The following INPPL1 variants were observed in gnomAD, a reference collection of about 807,000 sequenced individuals.
INPPL1 encodes the protein inositol polyphosphate phosphatase like 1, also known as phosphatidylinositol 3,4,5-trisphosphate 5-phosphatase 2.
In INPPL1, 91 loss-of-function variants were observed where a neutral mutation model predicts 139.3. The observed-to-expected ratio is 0.65, with a 90% CI of 0.55 to 0.78. The LOEUF (loss-of-function observed/expected upper bound fraction) is 0.78, where lower values mean the gene tolerates loss of function less well. INPPL1 is among the 30% of genes least tolerant of loss of function. The pLI is 0.00. For missense variants in INPPL1, 1,411 were observed against 1,665.6 expected, an observed-to-expected ratio of 0.85 and a Z score of 2.66; for synonymous variants, 719 against 686.6, an observed-to-expected ratio of 1.05 and a Z score of -0.74.
Position 72,235,317 on chromosome 11 carries a change from A to G in INPPL1, c.2525A>G (p.Lys842Arg), listed in dbSNP as rs749358400. The G allele has an allele frequency of 1.2e-6, 2 of 1,614,050 alleles. No homozygotes were observed. The highest frequency in any genetic ancestry group is 1.7e-6 in the Non-Finnish European group (2 of 1,179,988). Residue 842 changes from lysine to arginine, a missense_variant, in exon 23 of 28, where the codon AAA becomes AGA. By Grantham distance (26) the Lys-to-Arg change is conservative. Coordinates refer to ENST00000298229, the MANE Select transcript of INPPL1 (RefSeq NM_001567.4). The surrounding 1 kb of genome is among the most constrained non-coding windows in gnomAD (Gnocchi z 4.9). ...ESYGECVVAL[K>R]SMIGSTAQQF... ...TCAGGGGAGTGTGTGGTTGCACTCAAATCCATGATCGGCAGCACGGCCCAA... is the reference window on the plus strand; with the variant it reads ...TCAGGGGAGTGTGTGGTTGCACTCAGATCCATGATCGGCAGCACGGCCCAA...
chr11:72,228,388 G>A lies in INPPL1; in HGVS notation c.287G>A (p.Gly96Asp). The A allele has an allele frequency of 6.2e-7, 1 of 1,613,384 alleles. No homozygotes were observed. Among genetic ancestry groups the A allele is most frequent in the Admixed American group, 1.7e-5 (1 of 60,018 alleles). Reference protein sequence around the residue: ...GVPVRRFQTLGELIGLYAQPN... With the variant: ...GVPVRRFQTLDELIGLYAQPN... ...CCTGTGCGCCGCTTCCAGACCCTGG[G>A]TGAGCTCATCGGCCTGTACGCCCAG... Residue 96 changes from glycine (G) to aspartate (D), a missense_variant, in exon 3 of 28, where the codon GGT becomes GAT. This residue lies in a region of INPPL1 where 504 missense variants were observed against 595.6 expected (regional missense o/e 0.85). Transcript: ENST00000298229. This position sits in a 1 kb window ranked among gnomAD's most constrained non-coding sequence, Gnocchi z 5.0.
chr11:72,235,258 G>A lies in INPPL1; in HGVS notation c.2504-38G>A. The A allele has an allele frequency of 6.2e-7, 1 of 1,613,944 alleles. No homozygotes were observed. Among genetic ancestry groups the A allele is most frequent in the Non-Finnish European group, 8.5e-7 (1 of 1,179,886 alleles). ...GGAAGCCAGACAGGGCCCTAGATTA[G>A]CTTGGTAATTTGCTGGTTTGTCCCA... On this transcript the variant is annotated intron_variant, in intron 22 of 27. Transcript: ENST00000298229. The surrounding 1 kb of genome is among the most constrained non-coding windows in gnomAD (Gnocchi z 4.9).
chr11:72,227,803 G>A (rs975945810), intron 1 of INPPL1: 104 of 306,244 alleles, frequency 3.4e-4, no homozygotes, highest in African/African-American at 2.1e-3. Context: ...GCCCGTGTGT[G>A]CAAATGGGCT....
At position 72,235,017 on chromosome 11, in the gene INPPL1, C is replaced by A; in HGVS notation, c.2416-99C>A. The A allele has an allele frequency of 1.1e-6, 1 of 938,054 alleles. No individual in the cohort carries two copies. Among genetic ancestry groups the A allele is most frequent in the Non-Finnish European group, 1.7e-6 (1 of 598,672 alleles). 58.1% of individuals were successfully genotyped at this position (938,054 alleles called of 1,614,324 possible). A position where few individuals can be genotyped will look rare whatever the true frequency, so the allele number is the denominator to read the frequency against. ...GTTGAGTGTGAGTGAGCACAGATGA[C>A]CTGAGGGTGGGGATTGAGTGGTGTC... On this transcript the variant is annotated intron_variant, in intron 21 of 27. Coordinates refer to ENST00000298229, the MANE Select transcript of INPPL1 (RefSeq NM_001567.4). The surrounding 1 kb of genome is among the most constrained non-coding windows in gnomAD (Gnocchi z 4.9).
Position 72,235,985 on chromosome 11 carries a change from A to G in INPPL1, c.2878A>G (p.Arg960Gly). ...TCCCCGGGAGGAGCCCTTGACCCCCAGGTGAGAGGAGGAACCTGTCACCGC... is the reference window on the plus strand; with the variant it reads ...TCCCCGGGAGGAGCCCTTGACCCCCGGGTGAGAGGAGGAACCTGTCACCGC... ...AAPREEPLTP[R>G]LKPEGAPEPE... The change falls in exon 25 of 28, where the codon AGG becomes GGG. Residue 960 changes from arginine to glycine, a missense_variant and splice_region_variant. Arg to Gly is a moderately radical substitution (Grantham distance 125). Around this residue, in one of 5 missense-constraint regions of INPPL1, gnomAD observed 438 missense variants for 425.7 expected, o/e 1.03. Coordinates refer to ENST00000298229, the MANE Select transcript of INPPL1 (RefSeq NM_001567.4). This position sits in a 1 kb window ranked among gnomAD's most constrained non-coding sequence, Gnocchi z 4.9. The G allele has an allele frequency of 1.4e-6, 2 of 1,481,174 alleles. No homozygotes were observed. The highest frequency in any genetic ancestry group is 1.8e-6 in the Non-Finnish European group (2 of 1,109,572). The allele number at this position is 1,481,174 out of a possible 1,614,324, so 91.8% of individuals were successfully genotyped here.
Position 72,230,480 on chromosome 11 carries a change from G to A in INPPL1, c.1197+12G>A. ...TTGTCAGTGCCCGGGTGAGCAGCAG[G>A]CTGGGCCAGGCCACTGGGGACTGCG... is the stretch of plus-strand genomic sequence containing the variant. On this transcript the variant is annotated intron_variant, in intron 10 of 27. Transcript: ENST00000298229. The A allele has an allele frequency of 6.2e-7, 1 of 1,612,186 alleles. No individual in the cohort carries two copies. Among genetic ancestry groups the A allele is most frequent in the Non-Finnish European group, 8.5e-7 (1 of 1,179,000 alleles).
Position 72,232,863 on chromosome 11 carries a change from CCTCCACCCCA to C in INPPL1, c.1852-11_1852-2del. The C allele has an allele frequency of 6.2e-7, 1 of 1,613,910 alleles. No homozygotes were observed. The highest frequency in any genetic ancestry group is 8.5e-7 in the Non-Finnish European group (1 of 1,179,856). On this transcript the variant is annotated splice_acceptor_variant and splice_polypyrimidine_tract_variant and intron_variant, in intron 15 of 27. Transcript: ENST00000298229. LOFTEE classifies it high-confidence loss of function. ...GGAGGAATGTTTCTAGCCTTTGTGT[CCTCCACCCCA>C]GGAGATCCTGAACTACATCAGCAGG...
In INPPL1 at chr11:72,228,531, CCT is replaced by C; in HGVS notation, c.397+34_397+35del. 1 of 1,598,942 alleles carries C rather than the reference CCT, an allele frequency of 6.3e-7. No homozygotes were observed. The highest frequency in any genetic ancestry group is 8.5e-7 in the Non-Finnish European group (1 of 1,178,086). ...CCAGTGTGCAGGTCCCCTCCCTGCCCCTGTCCCTTGGCTCTACCTGCCTCTTC... is the reference window on the plus strand; with the variant it reads ...CCAGTGTGCAGGTCCCCTCCCTGCCCGTCCCTTGGCTCTACCTGCCTCTTC... On this transcript the variant is annotated intron_variant, in intron 3 of 27. Transcript: ENST00000298229. This position sits in a 1 kb window ranked among gnomAD's most constrained non-coding sequence, Gnocchi z 5.0.
chr11:72,226,743 G>C (rs1163699555), intron 1 of INPPL1, among the ~76,000 whole-genome samples: 1 of 152,192 alleles, frequency 6.6e-6, no homozygotes, highest in Non-Finnish European at 1.5e-5. Flanking sequence ...AGACTAGGCA[G>C]ATGAATATCC....
intron 10 of INPPL1, 69 bp downstream of exon 10, chr11:72,230,537 G>A (rs1485361602): frequency 7.2e-7 from 1 of 1,394,434 alleles, no homozygotes; most frequent in Non-Finnish European, 1.0e-6. Context: ...TCCCATTGGA[G>A]GGTAAGAAAG....
chr11:72,228,113 C>T lies in INPPL1; in HGVS notation c.183-77C>T. 6.6e-7 allele frequency: 1 copy of T among 1,514,024 alleles called. No individual in the cohort carries two copies. The highest frequency in any genetic ancestry group is 9.2e-7 in the Non-Finnish European group (1 of 1,090,074). The allele number at this position is 1,514,024 out of a possible 1,614,324, so 93.8% of individuals were successfully genotyped here. On this transcript the variant is annotated intron_variant, in intron 1 of 27. Coordinates refer to ENST00000298229, the MANE Select transcript of INPPL1 (RefSeq NM_001567.4). This position sits in a 1 kb window ranked among gnomAD's most constrained non-coding sequence, Gnocchi z 5.0. The stretch of plus-strand genomic sequence containing the variant: ...TGAGGGGGTTGGGGTGCTGAGCTTG[C>T]TGGCAGGAGGAAGGGGTGCTTTGGG...
chr11:72,229,294 C>A, intron 5 of INPPL1, 64 bp downstream of exon 5: 4 of 1,518,382 alleles, frequency 2.6e-6, no homozygotes, highest in Non-Finnish European at 3.6e-6. Context: ...ACCTGCTTCC[C>A]GGCTGCACAG....
At chr11:72,233,226 G>C (rs1481017748) in intron 17 of INPPL1, 63 bp downstream of exon 17, 10 of 1,475,544 alleles carry the variant, frequency 6.8e-6, no homozygotes, top group Non-Finnish European at 9.4e-6. Context: ...CAAGAATTTG[G>C]GTCAAGGGTA....
chr11:72,237,030 T>C, intron 25 of INPPL1, 94 bp from the exon 26 acceptor site: 1 of 1,182,354 alleles, frequency 8.5e-7, no homozygotes, highest in Non-Finnish European at 1.2e-6. Context: ...ACCAGGGGAC[T>C]TTCTGACTCC....
intron 25 of INPPL1, among the ~76,000 whole-genome samples, chr11:72,236,235 CT>C (rs1948987793): frequency 6.6e-6 from 1 of 152,228 alleles, no homozygotes; most frequent in Admixed American, 6.5e-5. Flanking sequence ...GAAATTGTTT[CT>C]AAGACAGCTC....
At position 72,234,625 on chromosome 11, in the gene INPPL1, T is replaced by TG; in HGVS notation, c.2415+13dup. 1 of 1,606,242 alleles carries TG rather than the reference T, an allele frequency of 6.2e-7. No individual in the cohort carries two copies. The highest frequency in any genetic ancestry group is 1.1e-5 in the South Asian group (1 of 90,866). ...ACGCCAGCTGCCCACGGTGAGGCTG[T>TG]GGGCAGGGCCCCTGCTTATGGGTGA... On this transcript the variant is annotated intron_variant, in intron 21 of 27. Transcript: ENST00000298229. This position sits in a 1 kb window ranked among gnomAD's most constrained non-coding sequence, Gnocchi z 4.2.
chr11:72,232,810 A>G (rs1480981431), intron 15 of INPPL1, 46 bp downstream of exon 15: 10 of 1,613,572 alleles, frequency 6.2e-6, no homozygotes, highest in African/African-American at 2.7e-5. Flanking sequence ...TAAGGGCCAC[A>G]TGGGCTATCA....
intron 11 of INPPL1, 34 bp downstream of exon 11, chr11:72,230,932 GGGAT>G (rs766563863): frequency 4.2e-5 from 68 of 1,612,732 alleles, no homozygotes; most frequent in Non-Finnish European, 5.3e-5. Flanking sequence ...GCGGGAGAGA[GGGAT>G]GGCCCCAGAG....
chr11:72,232,553 T>A, intron 14 of INPPL1, 73 bp from the exon 15 acceptor site: 1 of 1,563,966 alleles, frequency 6.4e-7, no homozygotes, highest in Middle Eastern at 1.7e-4. Context: ...ACTTCTTCCC[T>A]TTATGCCTAT....
Sources: allele counts gnomAD v4.1 joint callset (sites outside exome capture counted in the v4.1 genomes callset), GRCh38; gene constraint gnomAD v4.1.1; regional missense constraint gnomAD v4.1.1; non-coding constraint Gnocchi (gnomAD v3.1); transcripts MANE v1.5; gene names NCBI Gene and HGNC (gene_info 2026-07-23, HGNC 2026-07-21).